The following GRHL2 variants were observed in gnomAD, a reference collection of about 807,000 sequenced individuals.
GRHL2 encodes grainyhead-like protein 2 homolog.
In GRHL2, 21 loss-of-function variants were observed where a neutral mutation model predicts 83.8. That is an observed-to-expected ratio of 0.25 (90% CI 0.18 to 0.36). The LOEUF is 0.36. Ranked by LOEUF, GRHL2 falls within the 10% of genes least tolerant of loss-of-function variation. The pLI is 1.00. For missense variants in GRHL2, 623 were observed against 781.8 expected (o/e 0.80, Z 2.42); for synonymous variants, 280 against 278.9 (o/e 1.00, Z -0.04).
chr8:101,650,043 A>G (rs1166431973), intron 14 of GRHL2, among the ~76,000 whole-genome samples: 1 of 152,200 alleles, frequency 6.6e-6, no homozygotes, highest in Non-Finnish European at 1.5e-5. Context: ...TAACCTCACT[A>G]GAACTCTACT....
chr8:101,608,781 A>T (rs909839391), intron 8 of GRHL2, among the ~76,000 whole-genome samples: 1 of 138,476 alleles, frequency 7.2e-6, no homozygotes. Context: ...ACACACACCT[A>T]CACCTCATTT....
chr8:101,519,725 C>T (rs1810644789), intron 1 of GRHL2, among the ~76,000 whole-genome samples: 1 of 152,098 alleles, frequency 6.6e-6, no homozygotes, highest in Non-Finnish European at 1.5e-5. Flanking sequence ...ATTGCAAACA[C>T]ACATATGTAC....
intron 9 of GRHL2, among the ~76,000 whole-genome samples, chr8:101,630,334 C>A (rs80293076): frequency 1.3e-5 from 2 of 152,110 alleles, no homozygotes; most frequent in East Asian, 3.9e-4. Flanking sequence ...ACCATTTGTG[C>A]GTCTTTTTCT....
chr8:101,629,572 CATT>C (rs1160495403), intron 9 of GRHL2, among the ~76,000 whole-genome samples: 1 of 151,904 alleles, frequency 6.6e-6, no homozygotes, highest in African/African-American at 2.4e-5. Flanking sequence ...CAAAATAAAA[CATT>C]AACTCAGAAA....
chr8:101,583,091 A>G (rs679468), intron 7 of GRHL2, among the ~76,000 whole-genome samples: 116,826 of 152,140 alleles, frequency 0.77, 48,187 homozygotes, highest in Non-Finnish European at 0.91. Context: ...GGAAGTAATA[A>G]TCAAATAGAA....
intron 1 of GRHL2, among the ~76,000 whole-genome samples, chr8:101,505,255 T>A (rs1022579354): frequency 2.6e-5 from 4 of 152,116 alleles, no homozygotes; most frequent in African/African-American, 9.7e-5. Context: ...CTAATATTTT[T>A]AAAAAATCAT....
downstream of GRHL2, among the ~76,000 whole-genome samples, chr8:101,673,575 C>G (rs150218515): frequency 3.4e-3 from 504 of 149,976 alleles, 1 homozygote; most frequent in Middle Eastern, 0.024. Context: ...TAAAGCAAGT[C>G]CTTAGAGACC....
intron 4 of GRHL2, 110 bp from the exon 5 acceptor site, chr8:101,570,229 T>A (rs534348946): frequency 1.7e-4 from 163 of 936,920 alleles, no homozygotes; most frequent in Non-Finnish European, 2.7e-4. Flanking sequence ...ATCAAATACA[T>A]AACTTTATTT....
At position 101,667,062 on chromosome 8, in the gene GRHL2, C is replaced by A; in HGVS notation, c.*359C>A. On this transcript the variant is annotated 3_prime_UTR_variant, in exon 16 of 16. Transcript: ENST00000646743. ...TTCCCCCTTCAAGAGAAACACTCAT[C>A]CCGAACAGCCTAAAAAATTCCCATC... is the stretch of plus-strand genomic sequence containing the variant. 2.8e-6 allele frequency: 1 copy of A among 351,526 alleles called. No individual in the cohort carries two copies. The highest frequency in any genetic ancestry group is 3.2e-5 in the South Asian group (1 of 30,992). 21.8% of individuals were successfully genotyped at this position (351,526 alleles called of 1,614,324 possible). A position where few individuals can be genotyped will look rare whatever the true frequency, so the allele number is the denominator to read the frequency against.
At chr8:101,638,417 T>A (rs567134242) in intron 12 of GRHL2, among the ~76,000 whole-genome samples, 2 of 152,328 alleles carry the variant, frequency 1.3e-5, no homozygotes, top group South Asian at 4.1e-4. Flanking sequence ...ATGTGAAAAT[T>A]AAATAAAATC....
At chr8:101,660,616 CT>C (rs1460001261) in intron 14 of GRHL2, among the ~76,000 whole-genome samples, 1 of 144,464 alleles carries the variant, frequency 6.9e-6, no homozygotes, top group Non-Finnish European at 1.5e-5. Flanking sequence ...CATTTTGTGG[CT>C]TCTTACTTTC....
intron 5 of GRHL2, among the ~76,000 whole-genome samples, chr8:101,571,450 T>C (rs540981306): frequency 1.5e-4 from 22 of 147,736 alleles, no homozygotes; most frequent in Admixed American, 1.5e-3. Flanking sequence ...AGCTCAGAAG[T>C]TCAAGACCAG....
At chr8:101,633,163 G>A (rs940708654) in intron 11 of GRHL2, among the ~76,000 whole-genome samples, 14 of 152,044 alleles carry the variant, frequency 9.2e-5, no homozygotes, top group Non-Finnish European at 1.5e-4. Flanking sequence ...ATGAGATATG[G>A]CTGATTTTTT....
At chr8:101,500,993 A>G (rs761661389) in intron 1 of GRHL2, among the ~76,000 whole-genome samples, 48 of 152,366 alleles carry the variant, frequency 3.2e-4, no homozygotes, top group Non-Finnish European at 6.0e-4. Flanking sequence ...GGTGAGCAGT[A>G]GTAATATTAT....
At chr8:101,502,170 T>C (rs1479146757) in intron 1 of GRHL2, among the ~76,000 whole-genome samples, 1 of 152,184 alleles carries the variant, frequency 6.6e-6, no homozygotes, top group African/African-American at 2.4e-5. Flanking sequence ...ATAATTAACA[T>C]AAGATCAGAA....
At chr8:101,594,097 A>G (rs1287341927) in intron 7 of GRHL2, among the ~76,000 whole-genome samples, 29 of 90,146 alleles carry the variant, frequency 3.2e-4, no homozygotes, top group East Asian at 7.6e-4. Context: ...AAAAAAAAAA[A>G]AGAGAGAGAT....
intron 8 of GRHL2, among the ~76,000 whole-genome samples, chr8:101,609,284 C>T (rs958991426): frequency 6.6e-5 from 10 of 150,474 alleles, no homozygotes; most frequent in Non-Finnish European, 1.5e-4. Context: ...AGTGGTTGCT[C>T]AAACTGTGGT....
intron 4 of GRHL2, chr8:101,562,075 G>A: frequency 1.4e-6 from 1 of 697,300 alleles, no homozygotes; most frequent in East Asian, 2.9e-5. Context: ...CCCTTTGCCT[G>A]CAAGGGGGGC....
At chr8:101,646,287 C>T (rs1165488246) in intron 13 of GRHL2, among the ~76,000 whole-genome samples, 3 of 152,132 alleles carry the variant, frequency 2.0e-5, no homozygotes, top group South Asian at 2.1e-4. Context: ...TCAAGAATCA[C>T]GGAATCACAC....
Sources: gnomAD v4.1 joint callset for allele counts (sites outside exome capture counted in the v4.1 genomes callset) on GRCh38, gnomAD v4.1.1 for gene constraint, MANE v1.5 for transcripts, NCBI Gene and HGNC (gene_info 2026-07-23, HGNC 2026-07-21) for gene names.